The following ADGRD1 variants were observed in gnomAD, a reference collection of about 807,000 sequenced individuals.
ADGRD1 encodes the protein adhesion G protein-coupled receptor D1.
A neutral mutation model predicts 113.4 loss-of-function variants in ADGRD1; 77 were observed. The observed-to-expected ratio is 0.68, with a 90% CI of 0.57 to 0.82. The LOEUF (loss-of-function observed/expected upper bound fraction) is 0.82. Among genes scored for constraint, ADGRD1 ranks in the 40% least tolerant of loss-of-function variants. ADGRD1 has a pLI of 0.00. For synonymous variants in ADGRD1, 474 were observed against 475.0 expected, an observed-to-expected ratio of 1.00 and a Z score of 0.03; for missense variants, 1,036 against 1,139.1, an observed-to-expected ratio of 0.91 and a Z score of 1.30.
In ADGRD1 at chr12:131,079,102, C is replaced by T. The variant is rs142429890; in HGVS notation, c.1547+2228C>T. Among the ~76,000 whole-genome samples the T allele has an allele frequency of 2.0e-3, 310 of 152,242 alleles. 2 individuals carry two copies. Among genetic ancestry groups the T allele is most frequent in the Non-Finnish European group, 3.3e-3 (222 of 68,020 alleles). ...AGAGTGTGCATAGATGGAATCATGGCGCAGGAAGCCTTTTGGAGTCTAGCC... is the reference window on the plus strand; with the variant it reads ...AGAGTGTGCATAGATGGAATCATGGTGCAGGAAGCCTTTTGGAGTCTAGCC... On this transcript the variant is annotated intron_variant, in intron 14 of 24. Transcript: ENST00000261654.
intron 13 of ADGRD1, among the ~76,000 whole-genome samples, chr12:131,056,923 A>G (rs1883913830): frequency 6.6e-6 from 1 of 152,306 alleles, no homozygotes; most frequent in African/African-American, 2.4e-5. Context: ...GAAGACACCC[A>G]TGTCCCAGGA....
At chr12:131,114,976 C>A (rs1950430346) in intron 18 of ADGRD1, among the ~76,000 whole-genome samples, 1 of 152,124 alleles carries the variant, frequency 6.6e-6, no homozygotes, top group Admixed American at 6.5e-5. Context: ...AACTTAGTTT[C>A]TTTTGTGAGC....
At chr12:130,978,495 C>G (rs1011405744) in intron 4 of ADGRD1, 5 of 152,082 alleles carry the variant, frequency 3.3e-5, no homozygotes, top group Non-Finnish European at 7.4e-5. Flanking sequence ...GTATTGATGG[C>G]CCAACTCCAT....
rs1244759452 is a variant in ADGRD1, at chr12:131,018,815, C to G, written c.1473+4475C>G. Among the ~76,000 whole-genome samples, 4 of 152,344 alleles carry G rather than the reference C, an allele frequency of 2.6e-5. No homozygotes were observed. In the East Asian group the frequency reaches 7.7e-4, roughly 29 times the overall value. On this transcript the variant is annotated intron_variant, in intron 13 of 24. Transcript: ENST00000261654. The stretch of plus-strand genomic sequence containing the variant: ...GCACAGCCGTTTCATTTCCACCACC[C>G]TTTCTCAGTACGCTCAGTCATTTTC...
At chr12:130,962,030 CTGA>C (rs1870431210) in intron 2 of ADGRD1, 1 of 152,362 alleles carries the variant, frequency 6.6e-6, no homozygotes, top group African/African-American at 2.4e-5. Context: ...AGCATCTGCT[CTGA>C]TGAGTCTGGC....
intron 9 of ADGRD1, chr12:131,002,654 G>T: frequency 8.8e-7 from 1 of 1,132,172 alleles, no homozygotes; most frequent in Non-Finnish European, 1.1e-6. Flanking sequence ...CTGGAACTCA[G>T]AAAGGAAAGA....
At chr12:131,049,613 A>C (rs1051968534) in intron 13 of ADGRD1, among the ~76,000 whole-genome samples, 6 of 152,092 alleles carry the variant, frequency 3.9e-5, no homozygotes, top group African/African-American at 1.4e-4. Context: ...CCTGGCGAGC[A>C]CTGGTTAATG....
At chr12:131,005,478 A>G (rs546366767) in intron 11 of ADGRD1, among the ~76,000 whole-genome samples, 1 of 152,348 alleles carries the variant, frequency 6.6e-6, no homozygotes, top group Admixed American at 6.5e-5. Flanking sequence ...CAGACTTCCC[A>G]GTGGCTGCTG....
intron 15 of ADGRD1, among the ~76,000 whole-genome samples, chr12:131,094,810 G>A (rs972291040): frequency 6.6e-5 from 10 of 152,224 alleles, no homozygotes; most frequent in East Asian, 1.9e-4. Context: ...CCAGGTGCAC[G>A]GGTGCACGCT....
chr12:131,012,804 C>G (rs1002056203), intron 12 of ADGRD1, among the ~76,000 whole-genome samples: 2 of 152,204 alleles, frequency 1.3e-5, no homozygotes, highest in African/African-American at 4.8e-5. Context: ...CAGGGACCTG[C>G]AGGTTCCTCA....
chr12:131,060,736 C>T lies in ADGRD1; in HGVS notation c.1474-16065C>T, dbSNP rs549988633. 2.0e-5 allele frequency among the ~76,000 whole-genome samples: 3 copies of T among 152,326 alleles called. No homozygotes were observed. The South Asian group carries it at 6.2e-4, about 32-fold the overall frequency. On this transcript the variant is annotated intron_variant, in intron 13 of 24. Coordinates refer to ENST00000261654, the MANE Select transcript of ADGRD1 (RefSeq NM_198827.5). This position sits in a 1 kb window ranked among gnomAD's most constrained non-coding sequence, Gnocchi z 4.4. ...TTCCCTCACGTATCAGTAGCTACCC[C>T]TGGATTCTTTTGATCAAAAACTTTG...
At chr12:130,994,581 C>T (rs1424202273) in intron 8 of ADGRD1, among the ~76,000 whole-genome samples, 7 of 152,228 alleles carry the variant, frequency 4.6e-5, no homozygotes, top group East Asian at 1.9e-4. Context: ...AGCAGGCTCC[C>T]TCTGTGTTTC....
At chr12:131,004,040 T>TTTGG in intron 10 of ADGRD1, 146 bp from the exon 11 acceptor site, 2 of 548,588 alleles carry the variant, frequency 3.6e-6, no homozygotes, top group South Asian at 2.4e-5. Flanking sequence ...TTTTTTTTTT[T>TTTGG]GAGGCCATGC....
At chr12:131,138,352 C>A (rs560195764) in intron 24 of ADGRD1, 123 bp downstream of exon 24, 3 of 737,848 alleles carry the variant, frequency 4.1e-6, no homozygotes, top group Non-Finnish European at 4.7e-6. Flanking sequence ...CTTTGTCCCC[C>A]TCTCATGCCT....
chr12:131,084,581 C>T lies in ADGRD1; in HGVS notation c.1589C>T (p.Thr530Met), dbSNP rs544054620. 1.4e-5 allele frequency: 23 copies of T among 1,613,968 alleles called. No individual in the cohort carries two copies. In the East Asian group the frequency reaches 1.6e-4, roughly 11 times the overall value. The change falls in exon 15 of 25, where the codon ACG (threonine) becomes ATG (methionine). Residue 530 changes from threonine to methionine, a missense_variant. Coordinates refer to ENST00000261654, the MANE Select transcript of ADGRD1 (RefSeq NM_198827.5). This position sits in a 1 kb window ranked among gnomAD's most constrained non-coding sequence, Gnocchi z 4.5. Reference protein sequence around the residue: ...GVWSNHGCALTRGNLTYSVCR... With the variant: ...GVWSNHGCALMRGNLTYSVCR... ...TGGTCGAACCACGGCTGTGCGCTCACGAGAGGAAACCTCACCTACTCCGTC... is the reference window on the plus strand; with the variant it reads ...TGGTCGAACCACGGCTGTGCGCTCATGAGAGGAAACCTCACCTACTCCGTC...
chr12:131,105,672 G>A, intron 16 of ADGRD1, 82 bp from the exon 17 acceptor site: 1 of 996,282 alleles, frequency 1.0e-6, no homozygotes, highest in Non-Finnish European at 1.5e-6. Flanking sequence ...ATGGATATAG[G>A]GACTTCGTGG....
intron 21 of ADGRD1, among the ~76,000 whole-genome samples, chr12:131,134,168 G>A (rs905250464): frequency 2.7e-4 from 41 of 152,364 alleles, no homozygotes; most frequent in African/African-American, 9.9e-4. Context: ...GACCCCCACA[G>A]AAGTGCACCC....
intron 13 of ADGRD1, among the ~76,000 whole-genome samples, chr12:131,035,981 G>A (rs1881327765): frequency 6.6e-6 from 1 of 152,150 alleles, no homozygotes; most frequent in African/African-American, 2.4e-5. Context: ...CCACTACTAA[G>A]GTTCTCCTGG....
At chr12:131,044,501 C>G (rs1421317712) in intron 13 of ADGRD1, among the ~76,000 whole-genome samples, 1 of 152,182 alleles carries the variant, frequency 6.6e-6, no homozygotes, top group Admixed American at 6.5e-5. Context: ...CACCCTTTTT[C>G]TTTTAAAAGT....
Sources: gnomAD v4.1 joint callset for allele counts (sites outside exome capture counted in the v4.1 genomes callset) on GRCh38, gnomAD v4.1.1 for gene constraint, Gnocchi (gnomAD v3.1) non-coding constraint, MANE v1.5 for transcripts, NCBI Gene and HGNC (gene_info 2026-07-23, HGNC 2026-07-21) for gene names.